The following ANKRD10 variants were observed in gnomAD, a reference collection of about 807,000 sequenced individuals.
The protein encoded by ANKRD10 is ankyrin repeat domain-containing protein 10.
A neutral mutation model predicts 27.0 loss-of-function variants in ANKRD10; 14 were observed. That is an observed-to-expected ratio of 0.52 (90% confidence interval 0.34 to 0.81). The LOEUF is 0.81. ANKRD10 is among the 40% of genes least tolerant of loss of function. ANKRD10 has a pLI of 0.01. For synonymous variants in ANKRD10, 250 were observed against 224.5 expected (o/e 1.11, Z -1.01); for missense variants, 493 against 544.0 (o/e 0.91, Z 0.93).
rs1236324238 is a variant in ANKRD10 at position 110,880,187 on chromosome 13, C to G, written c.788-75G>C. ...GAGAAACTATAAAATGCTTCACTGCCATTACAATTTTAAAGAATTTTAGTT... is the reference window on the plus strand; with the variant it reads ...GAGAAACTATAAAATGCTTCACTGCGATTACAATTTTAAAGAATTTTAGTT... On this transcript the variant is annotated intron_variant, in intron 5 of 5. Coordinates refer to ENST00000267339, the MANE Select transcript of ANKRD10 (RefSeq NM_017664.4). The G allele has an allele frequency of 4.9e-6, 6 of 1,235,768 alleles. No homozygotes were observed. In the Middle Eastern group the frequency reaches 7.8e-4, roughly 161 times the overall value. The allele number at this position is 1,235,768 out of a possible 1,614,324, so 76.6% of individuals were successfully genotyped here.
In ANKRD10 at chr13:110,907,051, A is replaced by C. The variant is rs952961209; in HGVS notation, c.364-927T>G. 2.0e-5 allele frequency among the ~76,000 whole-genome samples: 3 copies of C among 152,176 alleles called. No homozygotes were observed. In the South Asian group the frequency reaches 6.2e-4, roughly 32 times the overall value. ...TTTCCGGTGGAAAATGAAGACTGGG[A>C]AATCCTGGGGGCTCCACAGCAACAC... On this transcript the variant is annotated intron_variant, in intron 2 of 5. Coordinates refer to ENST00000267339, the MANE Select transcript of ANKRD10 (RefSeq NM_017664.4).
Position 110,879,445 on chromosome 13 carries a change from TATGC to T in ANKRD10, c.*188_*191del. 1.7e-6 allele frequency: 1 copy of T among 592,640 alleles called. No homozygotes were observed. Among genetic ancestry groups the T allele is most frequent in the South Asian group, 2.1e-5 (1 of 48,540 alleles). The allele number at this position is 592,640 out of a possible 1,614,324, so 36.7% of individuals were successfully genotyped here. A position where few individuals can be genotyped will look rare whatever the true frequency, so the allele number is the denominator to read the frequency against. On this transcript the variant is annotated 3_prime_UTR_variant, in exon 6 of 6. Transcript: ENST00000267339. ...AAGGACACCTCACTGTAGAAACATC[TATGC>T]ACTTAGTAAGCCCTACTCATGCACA...
intron 3 of ANKRD10, among the ~76,000 whole-genome samples, chr13:110,895,618 G>A (rs766066945): frequency 2.7e-4 from 41 of 152,066 alleles, no homozygotes; most frequent in Non-Finnish European, 5.6e-4. Flanking sequence ...ATTCGCTGAG[G>A]GAAGTTTAGA....
intron 2 of ANKRD10, among the ~76,000 whole-genome samples, chr13:110,907,852 A>T (rs2138883934): frequency 6.6e-6 from 1 of 152,318 alleles, no homozygotes; most frequent in South Asian, 2.1e-4. Context: ...ATTTAGATAA[A>T]GTTTTGCCAA....
At chr13:110,899,704 G>A (rs1555323791) in intron 3 of ANKRD10, among the ~76,000 whole-genome samples, 1 of 151,886 alleles carries the variant, frequency 6.6e-6, no homozygotes, top group Non-Finnish European at 1.5e-5. Context: ...CCAAGACTAC[G>A]AAAAGCAATC....
chr13:110,892,377 C>T (rs943565331), intron 4 of ANKRD10, among the ~76,000 whole-genome samples: 1 of 114,140 alleles, frequency 8.8e-6, no homozygotes, highest in African/African-American at 3.4e-5. Context: ...TTGCAGTGAG[C>T]CGAGATCACA....
Position 110,914,902 on chromosome 13 carries a change from C to T in ANKRD10, c.33G>A (p.Glu11=), listed in dbSNP as rs764256880. 79 of 1,538,736 alleles carry T rather than the reference C, an allele frequency of 5.1e-5. No individual in the cohort carries two copies. The South Asian group carries it at 7.6e-4, about 15-fold the overall frequency. The change falls in exon 1 of 6, where the codon GAG becomes GAA. Residue 11 remains glutamate (E), a synonymous_variant. Coordinates refer to ENST00000267339, the MANE Select transcript of ANKRD10 (RefSeq NM_017664.4). MSAAGAGAGV[E]AGFSSEELLS... is the part of the protein sequence containing the mutation. ...GCAGCTCCTCGCTGGAGAAGCCCGC[C>T]TCTACGCCCGCGCCCGCTCCCGCCG...
intron 3 of ANKRD10, among the ~76,000 whole-genome samples, chr13:110,893,545 GA>G (rs757993475): frequency 4.4e-4 from 67 of 152,316 alleles, no homozygotes; most frequent in Non-Finnish European, 8.2e-4. Context: ...TTAGTCTGAA[GA>G]ATCTAAATTT....
At chr13:110,900,589 G>C (rs1207613544) in intron 3 of ANKRD10, 3 of 1,351,786 alleles carry the variant, frequency 2.2e-6, no homozygotes, top group Admixed American at 1.9e-5. Flanking sequence ...TGCCACAACT[G>C]TAAGGTTTTC....
At chr13:110,905,293 T>C (rs1481445325) in intron 3 of ANKRD10, 1 of 152,166 alleles carries the variant, frequency 6.6e-6, no homozygotes, top group African/African-American at 2.4e-5. Context: ...CAAATAAATG[T>C]AACAACTAAA....
chr13:110,891,794 T>TA (rs2138836729), intron 4 of ANKRD10, among the ~76,000 whole-genome samples: 1 of 151,972 alleles, frequency 6.6e-6, no homozygotes, highest in South Asian at 2.1e-4. Flanking sequence ...TCTGCTTCAT[T>TA]ACTTCACACT....
At chr13:110,884,250 A>G (rs1040290525) in intron 4 of ANKRD10, among the ~76,000 whole-genome samples, 1 of 152,208 alleles carries the variant, frequency 6.6e-6, no homozygotes, top group African/African-American at 2.4e-5. Context: ...GAGACTCAAG[A>G]CTAGTCTGTC....
At chr13:110,900,734 A>G (rs969294783) in intron 3 of ANKRD10, 3 of 1,297,732 alleles carry the variant, frequency 2.3e-6, no homozygotes, top group African/African-American at 1.5e-5. Flanking sequence ...CAGATTCAGA[A>G]TCTTCTGTGT....
chr13:110,892,824 G>A (rs556422814), intron 4 of ANKRD10: 2 of 1,373,920 alleles, frequency 1.5e-6, no homozygotes, highest in African/African-American at 1.5e-5. Flanking sequence ...TGGGCCATCA[G>A]TATTTCCCTC....
At chr13:110,905,271 A>G (rs2065498752) in intron 3 of ANKRD10, 1 of 152,226 alleles carries the variant, frequency 6.6e-6, no homozygotes, top group Non-Finnish European at 1.5e-5. Context: ...AATTTTTAAG[A>G]AAAAGTTAAT....
At chr13:110,894,210 A>G (rs752949428) in intron 3 of ANKRD10, 1 of 1,598,586 alleles carries the variant, frequency 6.3e-7, no homozygotes, top group Non-Finnish European at 8.6e-7. Flanking sequence ...AACCTGTAAA[A>G]AAGCAGACAT....
intron 4 of ANKRD10, among the ~76,000 whole-genome samples, chr13:110,890,474 C>T (rs1017360014): frequency 3.9e-5 from 6 of 152,076 alleles, no homozygotes; most frequent in East Asian, 1.9e-4. Flanking sequence ...ACTCTTGTGA[C>T]GAGTGTGGCA....
chr13:110,888,555 C>T (rs546650614), intron 4 of ANKRD10, among the ~76,000 whole-genome samples: 1 of 152,114 alleles, frequency 6.6e-6, no homozygotes, highest in South Asian at 2.1e-4. Context: ...AACTAAATTA[C>T]AAATTTACTC....
intron 5 of ANKRD10, among the ~76,000 whole-genome samples, chr13:110,881,532 T>A (rs1248925165): frequency 6.6e-6 from 1 of 152,054 alleles, no homozygotes; most frequent in East Asian, 1.9e-4. Flanking sequence ...CAATAGATTT[T>A]TTTTCCCCCA....
Sources: allele counts gnomAD v4.1 joint callset (sites outside exome capture counted in the v4.1 genomes callset), GRCh38; gene constraint gnomAD v4.1.1; transcripts MANE v1.5; gene names NCBI Gene and HGNC (gene_info 2026-07-23, HGNC 2026-07-21).